ANXA11: variants seen among roughly 807,000 people sequenced by gnomAD.
ANXA11 encodes the protein annexin A11.
Under a neutral mutation model 64.7 loss-of-function variants are expected in ANXA11, and 57 were observed. That is an observed-to-expected ratio of 0.88 (90% CI 0.71 to 1.10). ANXA11 has a LOEUF of 1.10. Ranked by LOEUF, ANXA11 falls within the 50% of genes least tolerant of loss-of-function variation. ANXA11 has a pLI of 0.00. For synonymous variants in ANXA11, 260 were observed against 265.2 expected (o/e 0.98, Z 0.19); for missense variants, 675 against 670.7 (o/e 1.01, Z -0.07).
Position 80,161,923 on chromosome 10 carries a change from A to G in ANXA11, c.1180+12T>C, listed in dbSNP as rs1205521131. Reference sequence around the variant, plus strand: ...ATCTAACTGGCCTCTGAGGGACCCCAGCCTGCCTTACCTGCTACCAGGTGG... The same window carrying G: ...ATCTAACTGGCCTCTGAGGGACCCCGGCCTGCCTTACCTGCTACCAGGTGG... On this transcript the variant is annotated intron_variant, in intron 12 of 15. Coordinates refer to ENST00000422982, the MANE Select transcript of ANXA11 (RefSeq NM_145868.2). The G allele has an allele frequency of 1.9e-6, 3 of 1,609,454 alleles. No individual in the cohort carries two copies. The highest frequency in any genetic ancestry group is 2.5e-6 in the Non-Finnish European group (3 of 1,178,062).
intron 2 of ANXA11, among the ~76,000 whole-genome samples, chr10:80,175,738 T>C (rs1846145801): frequency 6.6e-6 from 1 of 152,208 alleles, no homozygotes; most frequent in African/African-American, 2.4e-5. Flanking sequence ...TTCACCAATG[T>C]GCTGAGGAAA....
intron 1 of ANXA11, 73 bp from the exon 2 acceptor site, chr10:80,176,228 G>A (rs930783936): frequency 1.3e-5 from 2 of 152,156 alleles, no homozygotes; most frequent in African/African-American, 2.4e-5. Flanking sequence ...CTCCACCAAT[G>A]AGGCTGGTTA....
Position 80,155,679 on chromosome 10 carries a change from G to T in ANXA11, c.*174C>A. 1 of 669,124 alleles carries T rather than the reference G, an allele frequency of 1.5e-6. No homozygotes were observed. The allele number at this position is 669,124 out of a possible 1,614,324, so 41.4% of individuals were successfully genotyped here. ...AGGCATCCTGAGAGAGTTCTAGACC[G>T]ACCCAGGTCCTGTGGCACACTATAC... On this transcript the variant is annotated 3_prime_UTR_variant, in exon 16 of 16. Coordinates refer to ENST00000422982, the MANE Select transcript of ANXA11 (RefSeq NM_145868.2).
intron 14 of ANXA11, 66 bp from the exon 15 acceptor site, chr10:80,157,829 T>A: frequency 6.3e-7 from 1 of 1,589,878 alleles, no homozygotes; most frequent in South Asian, 1.1e-5. Flanking sequence ...CCCTGGGCCC[T>A]CCAGTCCCCT....
At chr10:80,157,558 C>T (rs978553622) in intron 15 of ANXA11, 83 bp downstream of exon 15, 73 of 1,561,894 alleles carry the variant, frequency 4.7e-5, no homozygotes, top group Non-Finnish European at 6.1e-5. Context: ...AGAGGCCAAG[C>T]ATATGGCCAC....
chr10:80,184,574 C>T (rs59435802), intron 1 of ANXA11, among the ~76,000 whole-genome samples: 5,717 of 151,438 alleles, frequency 0.038, 218 homozygotes, highest in East Asian at 0.19. Context: ...ATAACTAATA[C>T]GAGAGAGAGA....
In ANXA11 at chr10:80,157,783, G is replaced by A. The variant is rs761885687; in HGVS notation, c.1336-20C>T. 13 of 1,607,930 alleles carry A rather than the reference G, an allele frequency of 8.1e-6. No individual in the cohort carries two copies. The highest frequency in any genetic ancestry group is 5.0e-5 in the Admixed American group (3 of 59,740). ...TGCCCCCTAAAGAGAGTCCACCCAA[G>A]AGCATGAGCACCAGGCCTCCTCACC... is the stretch of plus-strand genomic sequence containing the variant. On this transcript the variant is annotated intron_variant, in intron 14 of 15. Coordinates refer to ENST00000422982, the MANE Select transcript of ANXA11 (RefSeq NM_145868.2).
intron 1 of ANXA11, among the ~76,000 whole-genome samples, chr10:80,187,134 T>C (rs1794895675): frequency 6.6e-6 from 1 of 152,180 alleles, no homozygotes; most frequent in Non-Finnish European, 1.5e-5. Context: ...AAGTCCTGAC[T>C]CCAAAGTGTG....
chr10:80,163,131 CAT>C (rs1233176725), intron 11 of ANXA11, among the ~76,000 whole-genome samples: 1 of 152,206 alleles, frequency 6.6e-6, no homozygotes, highest in Non-Finnish European at 1.5e-5. Flanking sequence ...AATTATCTCA[CAT>C]GTTCCCTCCT....
intron 13 of ANXA11, among the ~76,000 whole-genome samples, chr10:80,158,851 T>C (rs1194151064): frequency 6.6e-6 from 1 of 152,196 alleles, no homozygotes; most frequent in Non-Finnish European, 1.5e-5. Context: ...ATACCCACAC[T>C]GCAGTTCCCT....
At chr10:80,180,888 G>T (rs979805585) in intron 1 of ANXA11, 2 of 152,134 alleles carry the variant, frequency 1.3e-5, no homozygotes, top group Admixed American at 6.5e-5. Flanking sequence ...GGAGGAAGTG[G>T]GCTCCTTACC....
chr10:80,157,358 G>T, intron 15 of ANXA11: 9 of 985,434 alleles, frequency 9.1e-6, no homozygotes, highest in Non-Finnish European at 1.1e-5. Flanking sequence ...GGAATCACAC[G>T]GTGATCGGAA....
At position 80,167,288 on chromosome 10, in the gene ANXA11, T is replaced by A; in HGVS notation, c.587A>T (p.Asp196Val). Residue 196 changes from aspartate to valine, a missense_variant, in exon 6 of 16, where the codon GAT becomes GTT. Coordinates refer to ENST00000422982, the MANE Select transcript of ANXA11 (RefSeq NM_145868.2). ...TCGCAGGGGGTCAAAGCCGGGAGCA[T>A]CAGTGATGGTGCCTCGGCTTCCAAA... ...TQFGSRGTIT[D>V]APGFDPLRDA... is the part of the protein sequence containing the mutation. 6.2e-7 allele frequency: 1 copy of A among 1,614,050 alleles called. No individual in the cohort carries two copies. Among genetic ancestry groups the A allele is most frequent in the Non-Finnish European group, 8.5e-7 (1 of 1,180,006 alleles).
At chr10:80,161,851 C>T (rs1845521169) in intron 12 of ANXA11, 84 bp downstream of exon 12, 2 of 1,231,182 alleles carry the variant, frequency 1.6e-6, no homozygotes, top group Non-Finnish European at 2.4e-6. Context: ...GAGGAACGAC[C>T]AAGTGTTCCC....
rs760519782 is a variant in ANXA11 at position 80,155,690 on chromosome 10, T to C, written c.*163A>G. On this transcript the variant is annotated 3_prime_UTR_variant, in exon 16 of 16. Transcript: ENST00000422982. ...GAGAGTTCTAGACCGACCCAGGTCC[T>C]GTGGCACACTATACGGGTCAGGAGG... The C allele has an allele frequency of 3.5e-5, 25 of 711,832 alleles. No homozygotes were observed. The highest frequency in any genetic ancestry group is 6.8e-5 in the South Asian group (4 of 58,714). 44.1% of individuals were successfully genotyped at this position (711,832 alleles called of 1,614,324 possible). A position where few individuals can be genotyped will look rare whatever the true frequency, so the allele number is the denominator to read the frequency against.
intron 2 of ANXA11, among the ~76,000 whole-genome samples, chr10:80,173,307 A>G (rs1451707093): frequency 3.3e-5 from 5 of 152,186 alleles, no homozygotes; most frequent in Admixed American, 3.3e-4. Flanking sequence ...CCATCCCTCC[A>G]GCAACAGGGG....
At chr10:80,205,228 G>A (rs1840620317) in intron 1 of ANXA11, 115 bp downstream of exon 1, 1 of 150,726 alleles carries the variant, frequency 6.6e-6, no homozygotes, top group Non-Finnish European at 1.5e-5. Context: ...CAACCAGGAA[G>A]CCGCAGGGCC....
intron 5 of ANXA11, among the ~76,000 whole-genome samples, chr10:80,168,274 T>C (rs2051618584): frequency 6.8e-6 from 1 of 146,840 alleles, no homozygotes; most frequent in Admixed American, 6.7e-5. Context: ...GGGTGGTGCA[T>C]ATCAAGGGAC....
intron 12 of ANXA11, 108 bp from the exon 13 acceptor site, chr10:80,159,303 T>A: frequency 2.3e-6 from 2 of 862,580 alleles, no homozygotes; most frequent in Non-Finnish European, 3.8e-6. Context: ...TGTTTGGAGA[T>A]AAGATCTTTA....
Sources: gnomAD v4.1 joint callset for allele counts (sites outside exome capture counted in the v4.1 genomes callset) on GRCh38, gnomAD v4.1.1 for gene constraint, MANE v1.5 for transcripts, NCBI Gene and HGNC (gene_info 2026-07-23, HGNC 2026-07-21) for gene names.